Variants in DSCAM observed in about 807,000 individuals in gnomAD.
The protein encoded by DSCAM is DS cell adhesion molecule, also known as cell adhesion molecule DSCAM.
A neutral mutation model predicts 217.7 loss-of-function variants in DSCAM; 47 were observed. That is an observed-to-expected ratio of 0.22 (90% CI 0.17 to 0.28). The LOEUF (loss-of-function observed/expected upper bound fraction) is 0.28, where lower values mean the gene tolerates loss of function less well. DSCAM is among the 10% of genes least tolerant of loss of function. The probability of loss-of-function intolerance (pLI) is 1.00; values close to 1 mark genes in which losing one functional copy is unlikely to be tolerated. For missense variants in DSCAM, 2,080 were observed against 2,618.3 expected, an observed-to-expected ratio of 0.79 and a Z score of 4.49; for synonymous variants, 1,056 against 1,015.3, an observed-to-expected ratio of 1.04 and a Z score of -0.76.
chr21:40,110,791 A>G (rs1477588928), intron 20 of DSCAM, among the ~76,000 whole-genome samples: 1 of 152,222 alleles, frequency 6.6e-6, no homozygotes, highest in South Asian at 2.1e-4. Flanking sequence ...TAGCTGATTC[A>G]ATCAACTGGA....
chr21:40,701,970 GTTT>G (rs562656984), intron 2 of DSCAM, among the ~76,000 whole-genome samples: 1 of 151,972 alleles, frequency 6.6e-6, no homozygotes, highest in Admixed American at 6.6e-5. Context: ...TCATTCACGT[GTTT>G]TTTTGTTCTT....
rs576612674 is a variant in DSCAM, at chr21:40,700,378, G to A, written c.362-7422C>T. ...ATTGAGGAAGTTCCTTTCTACTGAT[G>A]GTTTTCTGAGAGTTCTTTTAATCAT... On this transcript the variant is annotated intron_variant, in intron 2 of 32. Coordinates refer to ENST00000400454, the MANE Select transcript of DSCAM (RefSeq NM_001389.5). Among the ~76,000 whole-genome samples the A allele has an allele frequency of 2.6e-5, 4 of 152,250 alleles. No homozygotes were observed. In the East Asian group the frequency reaches 7.7e-4, roughly 29 times the overall value.
chr21:40,255,109 T>C (rs1465432776), intron 11 of DSCAM, among the ~76,000 whole-genome samples: 1 of 152,146 alleles, frequency 6.6e-6, no homozygotes, highest in Non-Finnish European at 1.5e-5. Flanking sequence ...TAAATCCCAT[T>C]GAGGAGACGA....
intron 3 of DSCAM, among the ~76,000 whole-genome samples, chr21:40,382,493 T>A (rs1224367123): frequency 6.6e-6 from 1 of 152,262 alleles, no homozygotes; most frequent in African/African-American, 2.4e-5. Context: ...TTTATTTTTT[T>A]AAAACTGCAA....
intron 2 of DSCAM, among the ~76,000 whole-genome samples, chr21:40,703,737 G>C (rs911944143): frequency 6.6e-6 from 1 of 152,110 alleles, no homozygotes; most frequent in South Asian, 2.1e-4. Context: ...GGTTTGTTGA[G>C]CTCCTTGGAT....
At chr21:40,592,959 G>A (rs2076994617) in intron 3 of DSCAM, among the ~76,000 whole-genome samples, 1 of 152,304 alleles carries the variant, frequency 6.6e-6, no homozygotes, top group South Asian at 2.1e-4. Context: ...AAATGGAAAC[G>A]AGGTTTTAAA....
intron 3 of DSCAM, among the ~76,000 whole-genome samples, chr21:40,460,901 T>G (rs2075800533): frequency 6.6e-6 from 1 of 152,196 alleles, no homozygotes; most frequent in Admixed American, 6.5e-5. Flanking sequence ...GCAACATCTA[T>G]CACACGTTTA....
At chr21:40,783,797 G>A (rs1237225793) in intron 1 of DSCAM, among the ~76,000 whole-genome samples, 1 of 152,150 alleles carries the variant, frequency 6.6e-6, no homozygotes, top group African/African-American at 2.4e-5. Context: ...AAATGACTGT[G>A]ATGCTTTAAG....
At chr21:40,464,743 CTT>C (rs931964730) in intron 3 of DSCAM, among the ~76,000 whole-genome samples, 36 of 141,064 alleles carry the variant, frequency 2.6e-4, no homozygotes, top group Admixed American at 5.7e-4. Context: ...CCAGAACCAT[CTT>C]TTTTTTTTTT....
At chr21:40,339,061 T>C (rs1287603860) in intron 7 of DSCAM, 58 bp downstream of exon 7, 2 of 1,585,166 alleles carry the variant, frequency 1.3e-6, no homozygotes, top group Non-Finnish European at 1.7e-6. Flanking sequence ...TGCAGAAATC[T>C]TCTTCTCCAC....
chr21:40,635,461 A>G (rs2089745012), intron 3 of DSCAM, among the ~76,000 whole-genome samples: 1 of 152,222 alleles, frequency 6.6e-6, no homozygotes, highest in Admixed American at 6.5e-5. Flanking sequence ...AATCTAGTTA[A>G]GAAAGAAAGA....
chr21:40,507,009 C>T (rs1017731891), intron 3 of DSCAM, among the ~76,000 whole-genome samples: 5 of 152,162 alleles, frequency 3.3e-5, no homozygotes, highest in Non-Finnish European at 5.9e-5. Context: ...CCAGGCCCAG[C>T]GGCTCACGCC....
At chr21:40,837,293 G>A (rs139879741) in intron 1 of DSCAM, among the ~76,000 whole-genome samples, 6 of 152,266 alleles carry the variant, frequency 3.9e-5, no homozygotes, top group South Asian at 2.1e-4. Context: ...GCAATGGGGC[G>A]GTAGAGGTAT....
At chr21:40,706,320 G>A (rs1340282164) in intron 2 of DSCAM, among the ~76,000 whole-genome samples, 1 of 152,180 alleles carries the variant, frequency 6.6e-6, no homozygotes, top group East Asian at 1.9e-4. Flanking sequence ...CCTGGGTAAG[G>A]AGCAATACTG....
At chr21:40,781,144 G>A (rs2091540555) in intron 1 of DSCAM, among the ~76,000 whole-genome samples, 1 of 151,948 alleles carries the variant, frequency 6.6e-6, no homozygotes, top group African/African-American at 2.4e-5. Flanking sequence ...GAGTAGCTGG[G>A]ATTACAGGAG....
chr21:40,100,797 C>A (rs2089740372), intron 20 of DSCAM, among the ~76,000 whole-genome samples: 1 of 152,134 alleles, frequency 6.6e-6, no homozygotes, highest in Non-Finnish European at 1.5e-5. Flanking sequence ...AACAGAGACA[C>A]TTTTCTTAAT....
Position 40,847,131 on chromosome 21 carries a change from A to G in DSCAM, c.-470T>C, listed in dbSNP as rs949441125. On this transcript the variant is annotated 5_prime_UTR_variant, in exon 1 of 33. Coordinates refer to ENST00000400454, the MANE Select transcript of DSCAM (RefSeq NM_001389.5). ...CTCAGTCACATGGATCCCTCTGCCA[A>G]CCTTCCCTGCCTGCGAGCCGGGCGA... 1.3e-5 allele frequency: 2 copies of G among 152,346 alleles called. No individual in the cohort carries two copies. The highest frequency in any genetic ancestry group is 6.5e-5 in the Admixed American group (1 of 15,304). The allele number at this position is 152,346 out of a possible 1,614,324, so 9.4% of individuals were successfully genotyped here.
chr21:40,736,433 AAT>A (rs2091064164), intron 1 of DSCAM, among the ~76,000 whole-genome samples: 1 of 152,206 alleles, frequency 6.6e-6, no homozygotes, highest in African/African-American at 2.4e-5. Flanking sequence ...GCTGTAACGA[AAT>A]ATCACAGGCT....
chr21:40,269,401 G>T (rs571708116), intron 11 of DSCAM, among the ~76,000 whole-genome samples: 2 of 152,250 alleles, frequency 1.3e-5, no homozygotes, highest in Non-Finnish European at 2.9e-5. Flanking sequence ...GATGGGTCCC[G>T]GCCAGGGCTC....
Sources: allele counts gnomAD v4.1 joint callset (sites outside exome capture counted in the v4.1 genomes callset), GRCh38; gene constraint gnomAD v4.1.1; transcripts MANE v1.5; gene names NCBI Gene and HGNC (gene_info 2026-07-23, HGNC 2026-07-21).